Variants in CTNNBL1 observed in about 807,000 individuals in gnomAD.
CTNNBL1 encodes beta-catenin-like protein 1.
Under a neutral mutation model 72.7 loss-of-function variants are expected in CTNNBL1, and 31 were observed. That is an observed-to-expected ratio of 0.43 (90% CI 0.32 to 0.58). The LOEUF (loss-of-function observed/expected upper bound fraction) is 0.58. Among genes scored for constraint, CTNNBL1 ranks in the 20% least tolerant of loss-of-function variants. CTNNBL1 has a pLI of 0.08. For missense variants in CTNNBL1, 534 were observed against 725.1 expected, an observed-to-expected ratio of 0.74 and a Z score of 3.03; for synonymous variants, 240 against 267.3, an observed-to-expected ratio of 0.90 and a Z score of 1.00.
chr20:37,863,641 G>A (rs1408693688), intron 15 of CTNNBL1, among the ~76,000 whole-genome samples: 1 of 152,130 alleles, frequency 6.6e-6, no homozygotes, highest in Non-Finnish European at 1.5e-5. Context: ...GGAGGCTGTA[G>A]TGTTGGGTGG....
intron 1 of CTNNBL1, among the ~76,000 whole-genome samples, chr20:37,726,083 G>A (rs920887001): frequency 2.0e-5 from 3 of 152,212 alleles, no homozygotes; most frequent in African/African-American, 7.2e-5. Flanking sequence ...CTTATAGACT[G>A]AGAAAACTGA....
At chr20:37,829,227 C>T (rs2072187082) in intron 11 of CTNNBL1, among the ~76,000 whole-genome samples, 1 of 152,156 alleles carries the variant, frequency 6.6e-6, no homozygotes, top group South Asian at 2.1e-4. Flanking sequence ...AGCTAATGGC[C>T]TTAGATGTTC....
intron 13 of CTNNBL1, among the ~76,000 whole-genome samples, chr20:37,851,218 G>A (rs2072394280): frequency 6.6e-6 from 1 of 152,096 alleles, no homozygotes; most frequent in Admixed American, 6.6e-5. Flanking sequence ...ATTGCAGTCT[G>A]TTCTACCGAA....
intron 11 of CTNNBL1, among the ~76,000 whole-genome samples, chr20:37,833,401 TTGTC>T (rs1234797653): frequency 5.9e-5 from 9 of 152,324 alleles, no homozygotes; most frequent in African/African-American, 1.9e-4. Flanking sequence ...AGGCAGCTAG[TTGTC>T]TGACTGTTGA....
chr20:37,823,399 C>T (rs2122775224), intron 11 of CTNNBL1, among the ~76,000 whole-genome samples: 1 of 152,286 alleles, frequency 6.6e-6, no homozygotes. Flanking sequence ...GGGTCTGCAG[C>T]AAGTTTTTCT....
chr20:37,722,678 G>C (rs1041603270), intron 1 of CTNNBL1, among the ~76,000 whole-genome samples: 1 of 152,090 alleles, frequency 6.6e-6, no homozygotes, highest in African/African-American at 2.4e-5. Flanking sequence ...AGCGAAGCAA[G>C]GGCTGAGCAT....
chr20:37,753,902 A>T (rs1315867845), intron 4 of CTNNBL1, among the ~76,000 whole-genome samples: 4 of 152,182 alleles, frequency 2.6e-5, no homozygotes, highest in Non-Finnish European at 5.9e-5. Context: ...GTCACTAAAG[A>T]TGTGAGGCAA....
chr20:37,696,435 C>CTTTTTTTT (rs57358123), intron 1 of CTNNBL1, among the ~76,000 whole-genome samples: 25 of 89,602 alleles, frequency 2.8e-4, no homozygotes, highest in Middle Eastern at 8.1e-3. Flanking sequence ...TGTACAATAT[C>CTTTTTTTT]TTTTTTTTTT....
intron 11 of CTNNBL1, among the ~76,000 whole-genome samples, chr20:37,806,792 A>G (rs573733540): frequency 6.6e-6 from 1 of 152,328 alleles, no homozygotes; most frequent in Admixed American, 6.5e-5. Context: ...TGCAAGGCCA[A>G]TCATCTGTCC....
intron 15 of CTNNBL1, among the ~76,000 whole-genome samples, chr20:37,868,476 G>C (rs900529170): frequency 1.3e-5 from 2 of 152,124 alleles, no homozygotes; most frequent in African/African-American, 4.8e-5. Flanking sequence ...GAAAATGCAG[G>C]CACATAGCAG....
chr20:37,705,780 A>G (rs987006591), intron 1 of CTNNBL1, among the ~76,000 whole-genome samples: 1 of 152,176 alleles, frequency 6.6e-6, no homozygotes, highest in African/African-American at 2.4e-5. Flanking sequence ...GTGTCCCTAA[A>G]GGAAGTGGTT....
intron 11 of CTNNBL1, among the ~76,000 whole-genome samples, chr20:37,814,441 C>A (rs1600504752): frequency 6.6e-6 from 1 of 152,280 alleles, no homozygotes; most frequent in Middle Eastern, 3.4e-3. Context: ...TTTTCCATAC[C>A]TGATGCCCAG....
intron 10 of CTNNBL1, among the ~76,000 whole-genome samples, chr20:37,793,599 TAATC>T (rs2073744948): frequency 6.6e-6 from 1 of 152,212 alleles, no homozygotes; most frequent in African/African-American, 2.4e-5. Context: ...AGTGGGACCC[TAATC>T]CAAAAAGAGG....
At chr20:37,829,326 G>T (rs1021000107) in intron 11 of CTNNBL1, among the ~76,000 whole-genome samples, 1 of 152,210 alleles carries the variant, frequency 6.6e-6, no homozygotes, top group Non-Finnish European at 1.5e-5. Context: ...GATGGTTGGA[G>T]TGCAGGGACC....
At position 37,813,017 on chromosome 20, in the gene CTNNBL1, A is replaced by T. The variant is rs190405622; in HGVS notation, c.1213+9969A>T. On this transcript the variant is annotated intron_variant, in intron 11 of 15. Coordinates refer to ENST00000361383, the MANE Select transcript of CTNNBL1 (RefSeq NM_030877.5). ...GTCAATGGAAAAAGCAGCATGTATT[A>T]AAAAAAAAAAGTTGGGAGGGACAAA... 4.1e-4 allele frequency among the ~76,000 whole-genome samples: 60 copies of T among 145,688 alleles called. No homozygotes were observed. In the East Asian group the frequency reaches 7.7e-3, roughly 19 times the overall value.
chr20:37,706,627 T>C (rs1189943959), intron 1 of CTNNBL1, among the ~76,000 whole-genome samples: 2 of 152,238 alleles, frequency 1.3e-5, no homozygotes, highest in African/African-American at 4.8e-5. Context: ...ACTGAAATCT[T>C]GAACCCCTCA....
At chr20:37,782,640 TAGTA>T (rs567683973) in intron 10 of CTNNBL1, among the ~76,000 whole-genome samples, 7 of 152,308 alleles carry the variant, frequency 4.6e-5, no homozygotes, top group South Asian at 2.1e-4. Context: ...TTATTTAACA[TAGTA>T]AGTCAAAAAT....
chr20:37,741,805 C>T (rs1007487561), intron 3 of CTNNBL1, among the ~76,000 whole-genome samples: 1 of 152,136 alleles, frequency 6.6e-6, no homozygotes, highest in African/African-American at 2.4e-5. Context: ...TAACACTGGA[C>T]CCAGTATATT....
intron 5 of CTNNBL1, among the ~76,000 whole-genome samples, chr20:37,759,921 A>C (rs2073400232): frequency 6.6e-6 from 1 of 152,256 alleles, no homozygotes. Flanking sequence ...CTAGAATTGC[A>C]CGAGCAGAGG....
Sources: allele counts gnomAD v4.1 joint callset (sites outside exome capture counted in the v4.1 genomes callset), GRCh38; gene constraint gnomAD v4.1.1; transcripts MANE v1.5; gene names NCBI Gene and HGNC (gene_info 2026-07-23, HGNC 2026-07-21).